Variants in ATG4A observed in about 807,000 individuals in gnomAD.
ATG4A encodes the protein autophagy related 4A cysteine peptidase.
ATG4A carries 22 observed loss-of-function variants against 38.4 expected under a neutral mutation model. That is an observed-to-expected ratio of 0.57 (90% CI 0.41 to 0.82). The LOEUF is 0.82. Ranked by LOEUF, ATG4A falls within the 40% of genes least tolerant of loss-of-function variation. The pLI, the probability that ATG4A is intolerant of heterozygous loss-of-function variation, is 0.00. For synonymous variants in ATG4A, 86 were observed against 100.7 expected (o/e 0.85, Z 0.88); for missense variants, 220 against 290.0 (o/e 0.76, Z 1.75).
At chrX:108,140,993 T>C (rs1195189487) in intron 9 of ATG4A, among the ~76,000 whole-genome samples, 1 of 87,125 alleles carries the variant, frequency 1.1e-5, no homozygotes, top group Non-Finnish European at 2.1e-5. Context: ...TATACGTATA[T>C]ATATACATAT....
chrX:108,136,558 C>T (rs2033111962), intron 6 of ATG4A, among the ~76,000 whole-genome samples: 1 of 111,671 alleles, frequency 9.0e-6, no homozygotes, highest in Admixed American at 9.5e-5. Flanking sequence ...AGCTGGGGAA[C>T]AGTGGAAGTA....
At chrX:108,099,932 A>G (rs1336877620) in intron 1 of ATG4A, among the ~76,000 whole-genome samples, 2 of 111,597 alleles carry the variant, frequency 1.8e-5, no homozygotes, top group Non-Finnish European at 3.8e-5. Context: ...TGTTTTCAAT[A>G]TTGCCTGTTC....
intron 1 of ATG4A, among the ~76,000 whole-genome samples, chrX:108,105,612 T>G (rs919527710): frequency 9.0e-6 from 1 of 111,329 alleles, no homozygotes; most frequent in Non-Finnish European, 1.9e-5. Flanking sequence ...GGAAGAAGCC[T>G]TAAGTTGTGT....
At chrX:108,124,409 G>A (rs1394865135) in intron 1 of ATG4A, among the ~76,000 whole-genome samples, 2 of 112,374 alleles carry the variant, frequency 1.8e-5, no homozygotes, top group Non-Finnish European at 3.8e-5. Flanking sequence ...GATATTTTAA[G>A]AAAGGTAATA....
At chrX:108,112,912 T>G (rs1485513280) in intron 1 of ATG4A, among the ~76,000 whole-genome samples, 1 of 110,756 alleles carries the variant, frequency 9.0e-6, no homozygotes, top group Non-Finnish European at 1.9e-5. Flanking sequence ...TGATTTTTTT[T>G]TATCTCTTTT....
intron 1 of ATG4A, 49 bp from the exon 2 acceptor site, chrX:108,126,028 G>C: frequency 1.1e-6 from 1 of 882,344 alleles, no homozygotes; most frequent in Non-Finnish European, 1.6e-6. Flanking sequence ...CAACCACAAA[G>C]ATAAGCCCCT....
intron 1 of ATG4A, among the ~76,000 whole-genome samples, chrX:108,095,293 C>T (rs1319691404): frequency 6.3e-5 from 7 of 111,944 alleles, no homozygotes; most frequent in Non-Finnish European, 9.4e-5. Flanking sequence ...GGCACGATCA[C>T]GGCTCACTGC....
At chrX:108,151,746 T>C in intron 10 of ATG4A, 56 bp from the exon 11 acceptor site, 1 of 1,125,467 alleles carries the variant, frequency 8.9e-7, no homozygotes, top group African/African-American at 1.8e-5. Flanking sequence ...GGCCAACAGC[T>C]CCATTGTGCA....
At chrX:108,106,809 A>C (rs1371828535) in intron 1 of ATG4A, among the ~76,000 whole-genome samples, 1 of 111,668 alleles carries the variant, frequency 9.0e-6, no homozygotes, top group African/African-American at 3.3e-5. Context: ...CACTACTTTC[A>C]AGATTTTTTT....
chrX:108,114,370 G>C (rs1255015632), intron 1 of ATG4A, among the ~76,000 whole-genome samples: 2 of 111,648 alleles, frequency 1.8e-5, no homozygotes, highest in Non-Finnish European at 3.8e-5. Context: ...AAATCCTAAA[G>C]AGCTTAAAAG....
At chrX:108,153,491 C>A in intron 12 of ATG4A, 151 bp from the exon 13 acceptor site, 1 of 469,565 alleles carries the variant, frequency 2.1e-6, no homozygotes, top group Non-Finnish European at 3.7e-6. Context: ...TAATACTTGG[C>A]AGTAGTTCTA....
rs2033154116 is a variant in ATG4A, at chrX:108,138,203, G to A, written c.814+12G>A. ...CATAGGATTCTTAGGTAAGAAAGGA[G>A]GAATCACAAGTAAGTCATCGTGGGC... is the stretch of plus-strand genomic sequence containing the variant. On this transcript the variant is annotated intron_variant, in intron 9 of 12. Transcript: ENST00000372232. 2 of 1,196,809 alleles carry A rather than the reference G, an allele frequency of 1.7e-6. No homozygotes were observed. Among genetic ancestry groups the A allele is most frequent in the African/African-American group, 1.7e-5 (1 of 57,519 alleles).
chrX:108,105,063 G>T (rs1035816219), intron 1 of ATG4A, among the ~76,000 whole-genome samples: 14 of 109,695 alleles, frequency 1.3e-4, no homozygotes, highest in Admixed American at 2.9e-4. Flanking sequence ...TGGTTATTTT[G>T]ACTTCTTTTT....
intron 1 of ATG4A, among the ~76,000 whole-genome samples, chrX:108,123,714 T>C (rs1045057306): frequency 9.9e-5 from 11 of 111,024 alleles, no homozygotes; most frequent in African/African-American, 3.6e-4. Context: ...TGAGAGGGGG[T>C]GAAGTGCAAG....
chrX:108,137,924 T>C lies in ATG4A; in HGVS notation c.668T>C (p.Leu223Pro), dbSNP rs1234753937. 6 of 1,208,230 alleles carry C rather than the reference T, an allele frequency of 5.0e-6. No homozygotes were observed. The highest frequency in any genetic ancestry group is 5.6e-6 in the Non-Finnish European group (5 of 894,092). Residue 223 changes from leucine to proline, a missense_variant, in exon 8 of 13, where the codon CTG becomes CCG. By Grantham distance (98) the Leu-to-Pro change is moderately conservative (BLOSUM62 -3). Around this residue, in one of 3 missense-constraint regions of ATG4A, gnomAD observed 159 missense variants for 188.9 expected, o/e 0.84. Coordinates refer to ENST00000372232, the MANE Select transcript of ATG4A (RefSeq NM_052936.5). ...TSAYCSAWKP[L>P]LLIVPLRLGI... ...GCCTACTGCTCAGCCTGGAAACCCC[T>C]GCTGCTCATTGTGCCCCTTCGCCTG...
At chrX:108,150,076 A>C (rs754187358) in intron 9 of ATG4A, 76 bp from the exon 10 acceptor site, 2 of 1,092,444 alleles carry the variant, frequency 1.8e-6, no homozygotes, top group Non-Finnish European at 2.5e-6. Context: ...AGAGAACCAG[A>C]GTGCCTCCTC....
intron 1 of ATG4A, among the ~76,000 whole-genome samples, chrX:108,096,907 T>C (rs973659899): frequency 3.6e-5 from 4 of 110,700 alleles, no homozygotes; most frequent in African/African-American, 9.9e-5. Flanking sequence ...AATGGGGCCC[T>C]GTTAGGGTCT....
At chrX:108,095,556 T>C (rs1189957844) in intron 1 of ATG4A, among the ~76,000 whole-genome samples, 1 of 111,181 alleles carries the variant, frequency 9.0e-6, no homozygotes, top group Non-Finnish European at 1.9e-5. Flanking sequence ...GGTACTTAAC[T>C]AGGAGTGGAA....
At position 108,142,757 on chromosome X, in the gene ATG4A, A is replaced by G. The variant is rs1458585127; in HGVS notation, c.814+4566A>G. Among the ~76,000 whole-genome samples, 3 of 111,033 alleles carry G rather than the reference A, an allele frequency of 2.7e-5. No individual in the cohort carries two copies. The Admixed American group carries it at 2.9e-4, about 11-fold the overall frequency. ...CTGCCTGCCACCCTGGCAGCTGGTT[A>G]GATTGTGCCCACCTGATTAAGAGTG... On this transcript the variant is annotated intron_variant, in intron 9 of 12. Transcript: ENST00000372232.
Sources: gnomAD v4.1 joint callset for allele counts (sites outside exome capture counted in the v4.1 genomes callset) on GRCh38, gnomAD v4.1.1 for gene constraint, gnomAD v4.1.1 regional missense constraint, MANE v1.5 for transcripts, NCBI Gene and HGNC (gene_info 2026-07-23, HGNC 2026-07-21) for gene names.